The following CSMD1 variants were observed in gnomAD, a reference collection of about 807,000 sequenced individuals.
CSMD1 encodes the protein CUB and sushi domain-containing protein 1.
CSMD1 carries 213 observed loss-of-function variants against 417.5 expected under a neutral mutation model. The ratio of observed to expected loss-of-function variants is 0.51; its 90% CI spans 0.46 to 0.57. The LOEUF (loss-of-function observed/expected upper bound fraction) is 0.57, where lower values mean the gene tolerates loss of function less well. Ranked by LOEUF, CSMD1 falls within the 20% of genes least tolerant of loss-of-function variation. CSMD1 has a pLI of 0.00. For synonymous variants in CSMD1, 2,862 were observed against 1,736.8 expected, an observed-to-expected ratio of 1.65 and a Z score of -16.11; for missense variants, 6,923 against 4,529.7, an observed-to-expected ratio of 1.53 and a Z score of -15.17.
intron 1 of CSMD1, among the ~76,000 whole-genome samples, chr8:4,720,420 A>C (rs1808977367): frequency 6.6e-6 from 1 of 151,946 alleles, no homozygotes; most frequent in East Asian, 1.9e-4. Flanking sequence ...CATTTGAATA[A>C]TTTTTTTTGT....
chr8:3,647,822 T>C (rs986280117), intron 7 of CSMD1, among the ~76,000 whole-genome samples: 1 of 152,246 alleles, frequency 6.6e-6, no homozygotes, highest in Non-Finnish European at 1.5e-5. Flanking sequence ...AAATGTATAA[T>C]GTTGGTGAAT....
intron 26 of CSMD1, among the ~76,000 whole-genome samples, chr8:3,242,428 G>C (rs1192562839): frequency 6.6e-6 from 1 of 152,048 alleles, no homozygotes; most frequent in African/African-American, 2.4e-5. Flanking sequence ...CAGAGACTAG[G>C]TAGGGACTGA....
Position 4,214,710 on chromosome 8 carries a change from G to A in CSMD1, c.416-182611C>T, listed in dbSNP as rs180912998. ...GTGTGTGTAGCTAACGTGGATATAG[G>A]CAAGAGTTCATCACAGAGAACTACA... On this transcript the variant is annotated intron_variant, in intron 3 of 69. Coordinates refer to ENST00000635120, the MANE Select transcript of CSMD1 (RefSeq NM_033225.6). Among the ~76,000 whole-genome samples, 181 of 152,118 alleles carry A rather than the reference G, an allele frequency of 1.2e-3. 3 individuals are homozygous for A. Among genetic ancestry groups the A allele is most frequent in the Admixed American group, 0.011 (161 of 15,276 alleles).
intron 40 of CSMD1, among the ~76,000 whole-genome samples, chr8:3,146,560 A>G (rs1031047636): frequency 6.6e-6 from 1 of 152,160 alleles, no homozygotes; most frequent in African/African-American, 2.4e-5. Context: ...TAAGATTTCT[A>G]CTCAGCTAAA....
intron 1 of CSMD1, among the ~76,000 whole-genome samples, chr8:4,839,274 AT>A (rs1244245392): frequency 6.6e-6 from 1 of 152,206 alleles, no homozygotes; most frequent in Non-Finnish European, 1.5e-5. Flanking sequence ...CTAGTCATTC[AT>A]TCATTCATCT....
At chr8:3,820,516 C>T (rs558561412) in intron 5 of CSMD1, among the ~76,000 whole-genome samples, 3 of 152,296 alleles carry the variant, frequency 2.0e-5, no homozygotes, top group African/African-American at 7.2e-5. Context: ...GTGAAGCTGA[C>T]ATCTCCTATG....
chr8:3,686,789 C>A (rs1018096553), intron 7 of CSMD1, among the ~76,000 whole-genome samples: 2 of 152,164 alleles, frequency 1.3e-5, no homozygotes, highest in Admixed American at 1.3e-4. Context: ...GTAACTGTTT[C>A]TTTGGATCTT....
intron 1 of CSMD1, among the ~76,000 whole-genome samples, chr8:4,724,518 ATATG>A (rs1371063983): frequency 6.7e-4 from 93 of 138,276 alleles, no homozygotes; most frequent in South Asian, 2.1e-3. Flanking sequence ...CTTTATATAT[ATATG>A]TGTGTGTGTG....
chr8:4,788,703 T>C, intron 1 of CSMD1: 1 of 522,818 alleles, frequency 1.9e-6, no homozygotes, highest in African/African-American at 1.9e-5. Context: ...TAAAATGTAT[T>C]AGTGAATCAA....
Position 4,608,681 on chromosome 8 carries a change from T to C in CSMD1, c.302+28661A>G, listed in dbSNP as rs549076281. ...ATTAAGCAATGTCCTAAAGTCCTCT[T>C]TGTGGGATTATGAAAATTATCCTTC... On this transcript the variant is annotated intron_variant, in intron 2 of 69. Coordinates refer to ENST00000635120, the MANE Select transcript of CSMD1 (RefSeq NM_033225.6). 1.4e-3 allele frequency among the ~76,000 whole-genome samples: 213 copies of C among 152,322 alleles called. 1 individual carries two copies. The highest frequency in any genetic ancestry group is 2.5e-3 in the Admixed American group (38 of 15,298).
intron 2 of CSMD1, among the ~76,000 whole-genome samples, chr8:4,563,160 C>A (rs2466733): frequency 6.6e-6 from 1 of 151,886 alleles, no homozygotes; most frequent in African/African-American, 2.4e-5. Context: ...TCAGCACTTT[C>A]GGAGGCCGAG....
chr8:3,713,337 A>G lies in CSMD1; in HGVS notation c.932-4846T>C, dbSNP rs544853015. On this transcript the variant is annotated intron_variant, in intron 6 of 69. Coordinates refer to ENST00000635120, the MANE Select transcript of CSMD1 (RefSeq NM_033225.6). ...GAAACCATTACTATATTTGAATGGC[A>G]GTGGATTCTTATTACTGTTTTTAAA... 2.2e-3 allele frequency among the ~76,000 whole-genome samples: 342 copies of G among 152,326 alleles called. 2 individuals are homozygous for G. Among genetic ancestry groups the G allele is most frequent in the South Asian group, 7.9e-3 (38 of 4,826 alleles).
chr8:3,817,915 A>G (rs1214634753), intron 5 of CSMD1, among the ~76,000 whole-genome samples: 1 of 152,188 alleles, frequency 6.6e-6, no homozygotes, highest in Non-Finnish European at 1.5e-5. Context: ...AGCCCTGTTA[A>G]CTACCAGACA....
chr8:4,327,039 G>A (rs1397355428), intron 3 of CSMD1, among the ~76,000 whole-genome samples: 1 of 152,136 alleles, frequency 6.6e-6, no homozygotes, highest in Non-Finnish European at 1.5e-5. Context: ...TCAGTGGTAT[G>A]GATTCCAACT....
At chr8:4,493,913 T>C (rs1801848064) in intron 2 of CSMD1, among the ~76,000 whole-genome samples, 1 of 152,132 alleles carries the variant, frequency 6.6e-6, no homozygotes, top group African/African-American at 2.4e-5. Flanking sequence ...TGATAGACAC[T>C]AACAACTGAC....
intron 12 of CSMD1, among the ~76,000 whole-genome samples, chr8:3,423,058 C>G (rs997175114): frequency 5.3e-5 from 8 of 152,242 alleles, no homozygotes; most frequent in Admixed American, 1.3e-4. Context: ...GTTGTACAGT[C>G]CTATGTATTT....
At chr8:3,577,757 A>G (rs1483914029) in intron 9 of CSMD1, among the ~76,000 whole-genome samples, 1 of 152,176 alleles carries the variant, frequency 6.6e-6, no homozygotes, top group Non-Finnish European at 1.5e-5. Context: ...AATCTTCTCC[A>G]ACCTAATCAT....
chr8:4,916,464 G>C lies in CSMD1; in HGVS notation c.85+77868C>G, dbSNP rs1320692263. 3.3e-5 allele frequency among the ~76,000 whole-genome samples: 5 copies of C among 152,206 alleles called. No individual in the cohort carries two copies. In the East Asian group the frequency reaches 9.6e-4, roughly 29 times the overall value. On this transcript the variant is annotated intron_variant, in intron 1 of 69. Coordinates refer to ENST00000635120, the MANE Select transcript of CSMD1 (RefSeq NM_033225.6). The stretch of plus-strand genomic sequence containing the variant: ...AATCAATTGTTTGTCAGGGAAGATG[G>C]TTTTGTTCAACTTGCAATGTATGTT...
intron 27 of CSMD1, among the ~76,000 whole-genome samples, chr8:3,228,593 A>C (rs563737068): frequency 6.6e-5 from 10 of 152,312 alleles, no homozygotes; most frequent in African/African-American, 2.4e-4. Flanking sequence ...TGGCTGGTCA[A>C]AATAAAGTAA....
Sources: allele counts gnomAD v4.1 joint callset (sites outside exome capture counted in the v4.1 genomes callset), GRCh38; gene constraint gnomAD v4.1.1; transcripts MANE v1.5; gene names NCBI Gene and HGNC (gene_info 2026-07-23, HGNC 2026-07-21).